The following FAM124A variants were observed in gnomAD, a reference collection of about 807,000 sequenced individuals.
FAM124A encodes the protein protein FAM124A.
A neutral mutation model predicts 24.5 loss-of-function variants in FAM124A; 23 were observed. The observed-to-expected ratio is 0.94, with a 90% CI of 0.68 to 1.33. The LOEUF (loss-of-function observed/expected upper bound fraction) is 1.33. FAM124A is among the 40% of genes most tolerant of loss of function. FAM124A has a pLI of 0.00. For synonymous variants in FAM124A, 287 were observed against 314.7 expected, an observed-to-expected ratio of 0.91 and a Z score of 0.93; for missense variants, 623 against 722.8, an observed-to-expected ratio of 0.86 and a Z score of 1.58.
At chr13:51,279,614 T>C (rs966907635) in intron 3 of FAM124A, among the ~76,000 whole-genome samples, 3 of 151,790 alleles carry the variant, frequency 2.0e-5, no homozygotes, top group Non-Finnish European at 2.9e-5. Flanking sequence ...GGAAGAGAGG[T>C]CTCCAGTTCT....
intron 2 of FAM124A, among the ~76,000 whole-genome samples, chr13:51,236,090 C>G (rs1954432465): frequency 6.6e-6 from 1 of 152,148 alleles, no homozygotes; most frequent in African/African-American, 2.4e-5. Flanking sequence ...TACTGCTTTC[C>G]TGGGGTTGCT....
At position 51,241,755 on chromosome 13, in the gene FAM124A, T is replaced by C. The variant is rs1483400555; in HGVS notation, c.101-9713T>C. Among the ~76,000 whole-genome samples, 3 of 146,288 alleles carry C rather than the reference T, an allele frequency of 2.1e-5. No individual in the cohort carries two copies. In the South Asian group the frequency reaches 6.5e-4, roughly 32 times the overall value. On this transcript the variant is annotated intron_variant, in intron 2 of 3. Coordinates refer to ENST00000322475, the MANE Select transcript of FAM124A (RefSeq NM_001242312.2). Reference sequence around the variant, plus strand: ...GAATTTTAGGCCAAAAAAAAAAAAATGAGTCCCCAGGCTCCATCCACTTCC... The same window carrying C: ...GAATTTTAGGCCAAAAAAAAAAAAACGAGTCCCCAGGCTCCATCCACTTCC...
chr13:51,263,402 C>A (rs1954755866), intron 3 of FAM124A, among the ~76,000 whole-genome samples: 1 of 152,244 alleles, frequency 6.6e-6, no homozygotes, highest in South Asian at 2.1e-4. Context: ...CGCTTCTTCT[C>A]CCCTGCGTCC....
chr13:51,243,449 A>G (rs1475252762), intron 2 of FAM124A, among the ~76,000 whole-genome samples: 1 of 152,056 alleles, frequency 6.6e-6, no homozygotes, highest in African/African-American at 2.4e-5. Context: ...CAATGTGGGG[A>G]GGCTAGCCCT....
intron 2 of FAM124A, among the ~76,000 whole-genome samples, chr13:51,232,263 T>G (rs1442136891): frequency 6.6e-6 from 1 of 152,070 alleles, no homozygotes. Flanking sequence ...GTGATTAAGA[T>G]TACTACATAA....
intron 2 of FAM124A, among the ~76,000 whole-genome samples, chr13:51,231,690 C>T (rs1381409533): frequency 6.6e-6 from 1 of 152,196 alleles, no homozygotes; most frequent in East Asian, 1.9e-4. Flanking sequence ...ATACCTGCTA[C>T]CCTCAGGCAA....
chr13:51,280,965 C>T lies in FAM124A; in HGVS notation c.1350C>T (p.Cys450=), dbSNP rs750523295. 1.2e-6 allele frequency: 2 copies of T among 1,613,982 alleles called. No homozygotes were observed. The highest frequency in any genetic ancestry group is 3.3e-5 in the Admixed American group (2 of 60,002). The part of the protein sequence containing the change: ...TVETPLPSER[C]SSHWAAHKDS... Reference sequence around the variant, plus strand: ...AGACACCCCTCCCCTCCGAAAGATGCAGCAGCCACTGGGCAGCTCACAAGG... The same window carrying T: ...AGACACCCCTCCCCTCCGAAAGATGTAGCAGCCACTGGGCAGCTCACAAGG... Residue 450 remains cysteine, a synonymous_variant, in exon 4 of 4, where the codon TGC becomes TGT. Coordinates refer to ENST00000322475, the MANE Select transcript of FAM124A (RefSeq NM_001242312.2).
chr13:51,281,530 T>C lies in FAM124A; in HGVS notation c.*274T>C, dbSNP rs965433106. 1.3e-5 allele frequency: 4 copies of C among 313,664 alleles called. No individual in the cohort carries two copies. Among genetic ancestry groups the C allele is most frequent in the Non-Finnish European group, 1.7e-5 (3 of 173,576 alleles). 19.4% of individuals were successfully genotyped at this position (313,664 alleles called of 1,614,324 possible). A position where few individuals can be genotyped will look rare whatever the true frequency, so the allele number is the denominator to read the frequency against. On this transcript the variant is annotated 3_prime_UTR_variant, in exon 4 of 4. Coordinates refer to ENST00000322475, the MANE Select transcript of FAM124A (RefSeq NM_001242312.2). ...AGCATTTGAGGTATGGTTTAGTGGG[T>C]TTATACAATTTAAATGGCTTATATA...
chr13:51,236,932 A>G (rs1954440664), intron 2 of FAM124A, among the ~76,000 whole-genome samples: 1 of 152,214 alleles, frequency 6.6e-6, no homozygotes, highest in African/African-American at 2.4e-5. Flanking sequence ...GATCTAGGCA[A>G]AACTCAAATC....
Position 51,231,384 on chromosome 13 carries a change from G to A in FAM124A, c.100+5G>A, listed in dbSNP as rs1429647203. 8 of 1,613,916 alleles carry A rather than the reference G, an allele frequency of 5.0e-6. No individual in the cohort carries two copies. The highest frequency in any genetic ancestry group is 6.8e-6 in the Non-Finnish European group (8 of 1,179,946). ...GCCACCTGTCCTCCACGAGCAGTAA[G>A]TATCTTTTAAACATCCTTCAGCATT... is the stretch of plus-strand genomic sequence containing the variant. On this transcript the variant is annotated splice_donor_5th_base_variant and intron_variant, in intron 2 of 3. Coordinates refer to ENST00000322475, the MANE Select transcript of FAM124A (RefSeq NM_001242312.2).
At position 51,251,760 on chromosome 13, in the gene FAM124A, C is replaced by G; in HGVS notation, c.393C>G (p.His131Gln). ...TGCAGCAGCCGCCCTGGCGCCACCA[C>G]CACACCGAGCAGGTGCACGGCCGGT... Reference protein sequence around the residue: ...RTLQQPPWRHHHTEQVHGRFL... With the variant: ...RTLQQPPWRHQHTEQVHGRFL... The change falls in exon 3 of 4, where the codon CAC becomes CAG. Residue 131 changes from histidine (H) to glutamine (Q), a missense_variant. Physicochemically the swap from His to Gln is conservative, Grantham distance 24. Transcript: ENST00000322475. The surrounding 1 kb of genome is among the most constrained non-coding windows in gnomAD (Gnocchi z 5.3). The G allele has an allele frequency of 1.3e-6, 2 of 1,587,034 alleles. No individual in the cohort carries two copies. Among genetic ancestry groups the G allele is most frequent in the Non-Finnish European group, 1.7e-6 (2 of 1,167,906 alleles).
chr13:51,251,408 A>G lies in FAM124A; in HGVS notation c.101-60A>G. The G allele has an allele frequency of 6.8e-7, 1 of 1,472,024 alleles. No homozygotes were observed. The highest frequency in any genetic ancestry group is 9.0e-7 in the Non-Finnish European group (1 of 1,110,636). 91.2% of individuals were successfully genotyped at this position (1,472,024 alleles called of 1,614,324 possible). On this transcript the variant is annotated intron_variant, in intron 2 of 3. Coordinates refer to ENST00000322475, the MANE Select transcript of FAM124A (RefSeq NM_001242312.2). This position sits in a 1 kb window ranked among gnomAD's most constrained non-coding sequence, Gnocchi z 5.3. ...AAGCCTGTACACGTCATCACTGGAC[A>G]CTTTAATGAAATAATCATAATTGTA...
chr13:51,238,231 C>G (rs2137658300), intron 2 of FAM124A, among the ~76,000 whole-genome samples: 1 of 152,320 alleles, frequency 6.6e-6, no homozygotes, highest in Non-Finnish European at 1.5e-5. Flanking sequence ...ATAAAATCAC[C>G]AAACTGGAAA....
At chr13:51,223,297 G>A (rs947315817) in intron 1 of FAM124A, among the ~76,000 whole-genome samples, 2 of 151,946 alleles carry the variant, frequency 1.3e-5, no homozygotes, top group African/African-American at 4.8e-5. Flanking sequence ...TTTCCTGAGC[G>A]GAAGAAAAGA....
In FAM124A at chr13:51,283,044, TA is replaced by T. The variant is rs1204758436; in HGVS notation, c.*1789del. 3 of 152,092 alleles carry T rather than the reference TA, an allele frequency of 2.0e-5. No individual in the cohort carries two copies. Among genetic ancestry groups the T allele is most frequent in the Non-Finnish European group, 2.9e-5 (2 of 68,028 alleles). 9.4% of individuals were successfully genotyped at this position (152,092 alleles called of 1,614,324 possible). On this transcript the variant is annotated 3_prime_UTR_variant, in exon 4 of 4. Coordinates refer to ENST00000322475, the MANE Select transcript of FAM124A (RefSeq NM_001242312.2). ...GAATGGCTGAGTTCCAATAAAGCTTTATTTTTTTTTTATTTGAGACGGGGTC... is the reference window on the plus strand; with the variant it reads ...GAATGGCTGAGTTCCAATAAAGCTTTTTTTTTTTTTATTTGAGACGGGGTC...
At chr13:51,242,299 C>T (rs370031947) in intron 2 of FAM124A, among the ~76,000 whole-genome samples, 44 of 152,186 alleles carry the variant, frequency 2.9e-4, no homozygotes, top group African/African-American at 8.2e-4. Context: ...GAAGAAAGGA[C>T]TCTGTGTAGA....
chr13:51,232,646 T>G (rs925624852), intron 2 of FAM124A, among the ~76,000 whole-genome samples: 2 of 152,200 alleles, frequency 1.3e-5, no homozygotes, highest in Non-Finnish European at 2.9e-5. Flanking sequence ...TTAGTAATAA[T>G]GAGAATAATG....
intron 3 of FAM124A, chr13:51,252,926 C>T (rs1426572910): frequency 6.6e-6 from 1 of 152,332 alleles, no homozygotes; most frequent in Non-Finnish European, 1.5e-5. Flanking sequence ...CTCCTCTCAT[C>T]CTTCCAGGGG....
chr13:51,224,314 A>G (rs1954294577), intron 1 of FAM124A, among the ~76,000 whole-genome samples: 1 of 152,212 alleles, frequency 6.6e-6, no homozygotes, highest in South Asian at 2.1e-4. Context: ...ACTAAAAAAT[A>G]TACAGAATTA....
Sources: allele counts gnomAD v4.1 joint callset (sites outside exome capture counted in the v4.1 genomes callset), GRCh38; gene constraint gnomAD v4.1.1; non-coding constraint Gnocchi (gnomAD v3.1); transcripts MANE v1.5; gene names NCBI Gene and HGNC (gene_info 2026-07-23, HGNC 2026-07-21).